Variants in CYBRD1 observed in about 807,000 individuals in gnomAD.
CYBRD1 encodes plasma membrane ascorbate-dependent reductase CYBRD1.
A neutral mutation model predicts 21.9 loss-of-function variants in CYBRD1; 14 were observed. The ratio of observed to expected loss-of-function variants is 0.64; its 90% confidence interval spans 0.42 to 1.00. The LOEUF (loss-of-function observed/expected upper bound fraction) is 1.00, where lower values mean the gene tolerates loss of function less well. Among genes scored for constraint, CYBRD1 ranks in the 50% least tolerant of loss-of-function variants. The pLI is 0.00. For missense variants in CYBRD1, 328 were observed against 352.5 expected (o/e 0.93, Z 0.56); for synonymous variants, 146 against 136.5 (o/e 1.07, Z -0.48).
chr2:171,531,648 A>G (rs1697469596), intron 1 of CYBRD1, among the ~76,000 whole-genome samples: 1 of 152,034 alleles, frequency 6.6e-6, no homozygotes, highest in Non-Finnish European at 1.5e-5. Flanking sequence ...TTTTGTTTAG[A>G]AATGTAGGTT....
At chr2:171,546,690 TAGGAAGTGTTC>T in intron 2 of CYBRD1, among the ~76,000 whole-genome samples, 1 of 152,086 alleles carries the variant, frequency 6.6e-6, no homozygotes, top group Non-Finnish European at 1.5e-5. Flanking sequence ...ATTTGGTAGA[TAGGAAGTGTTC>T]TGGGAGGCCT....
rs1301184136 is a variant in CYBRD1, at chr2:171,556,125, G to A, written c.*1298G>A. The stretch of plus-strand genomic sequence containing the variant: ...TTGACACTTGTTTGATCTTAAAATT[G>A]TGTCTTGGTAACAAAAGATTTGGAC... On this transcript the variant is annotated 3_prime_UTR_variant, in exon 4 of 4. Transcript: ENST00000321348. The A allele has an allele frequency of 6.6e-6, 1 of 152,204 alleles. No homozygotes were observed. Among genetic ancestry groups the A allele is most frequent in the Non-Finnish European group, 1.5e-5 (1 of 68,040 alleles). 9.4% of individuals were successfully genotyped at this position (152,204 alleles called of 1,614,324 possible).
rs963429255 is a variant in CYBRD1, at chr2:171,555,695, A to G, written c.*868A>G. 2.6e-5 allele frequency: 4 copies of G among 152,186 alleles called. No homozygotes were observed. Among genetic ancestry groups the G allele is most frequent in the Admixed American group, 2.0e-4 (3 of 15,270 alleles). 9.4% of individuals were successfully genotyped at this position (152,186 alleles called of 1,614,324 possible). A position where few individuals can be genotyped will look rare whatever the true frequency, so the allele number is the denominator to read the frequency against. On this transcript the variant is annotated 3_prime_UTR_variant, in exon 4 of 4. Transcript: ENST00000321348. Reference sequence around the variant, plus strand: ...CTTACTATGCTCCAAACACTCCTCTAAGCACTTTACACATATTAGCTCATT... The same window carrying G: ...CTTACTATGCTCCAAACACTCCTCTGAGCACTTTACACATATTAGCTCATT...
rs1683463389 is a variant in CYBRD1 at position 171,555,205 on chromosome 2, G to T, written c.*378G>T. 1 of 273,764 alleles carries T rather than the reference G, an allele frequency of 3.7e-6. No homozygotes were observed. The highest frequency in any genetic ancestry group is 9.8e-5 in the East Asian group (1 of 10,236). The allele number at this position is 273,764 out of a possible 1,614,324, so 17.0% of individuals were successfully genotyped here. A position where few individuals can be genotyped will look rare whatever the true frequency, so the allele number is the denominator to read the frequency against. On this transcript the variant is annotated 3_prime_UTR_variant, in exon 4 of 4. Transcript: ENST00000321348. ...TGCAGTCATTTCCTGTTAATTCTGG[G>T]AGACAATGATTTCACAACTAGCGGG... is the stretch of plus-strand genomic sequence containing the variant.
Position 171,522,766 on chromosome 2 carries a change from G to A in CYBRD1, c.193+28G>A, listed in dbSNP as rs1342396695. On this transcript the variant is annotated intron_variant, in intron 1 of 3. Transcript: ENST00000321348. This position sits in a 1 kb window ranked among gnomAD's most constrained non-coding sequence, Gnocchi z 4.3. ...ACTGGCACCTCCTGGGGGGGTGCGGGGAGGAAAGCGGGGAGAACGGCGGGG... is the reference window on the plus strand; with the variant it reads ...ACTGGCACCTCCTGGGGGGGTGCGGAGAGGAAAGCGGGGAGAACGGCGGGG... 2 of 1,612,692 alleles carry A rather than the reference G, an allele frequency of 1.2e-6. No homozygotes were observed. Among genetic ancestry groups the A allele is most frequent in the African/African-American group, 1.3e-5 (1 of 74,914 alleles).
chr2:171,531,785 A>G (rs1293000792), intron 1 of CYBRD1, among the ~76,000 whole-genome samples: 1 of 152,210 alleles, frequency 6.6e-6, no homozygotes, highest in Non-Finnish European at 1.5e-5. Flanking sequence ...CTAACCTGTC[A>G]TAATATTGAT....
At chr2:171,525,490 G>T (rs1697371055) in intron 1 of CYBRD1, among the ~76,000 whole-genome samples, 1 of 152,132 alleles carries the variant, frequency 6.6e-6, no homozygotes. Flanking sequence ...GTGGAAGGAG[G>T]GGGAGTAATA....
intron 1 of CYBRD1, among the ~76,000 whole-genome samples, chr2:171,533,323 C>T (rs1292221074): frequency 4.6e-5 from 7 of 152,222 alleles, no homozygotes; most frequent in African/African-American, 9.6e-5. Flanking sequence ...GCCGAGATCC[C>T]GCCACTGCAC....
rs1314851511 is a variant in CYBRD1 at position 171,522,551 on chromosome 2, C to T, written c.6C>T (p.Ala2=). 6.2e-7 allele frequency: 1 copy of T among 1,601,292 alleles called. No homozygotes were observed. Among genetic ancestry groups the T allele is most frequent in the African/African-American group, 1.3e-5 (1 of 74,884 alleles). The change falls in exon 1 of 4, where the codon GCC becomes GCT. Residue 2 remains alanine (A), a synonymous_variant. Transcript: ENST00000321348. The surrounding 1 kb of genome is among the most constrained non-coding windows in gnomAD (Gnocchi z 4.3). M[A]MEGYWRFLAL... ...GTGCGGAGTATGGGGCGCTGATGGC[C>T]ATGGAGGGCTACTGGCGCTTCCTGG...
Position 171,557,450 on chromosome 2 carries a change from A to G in CYBRD1, c.*2623A>G, listed in dbSNP as rs920265754. 1 of 152,240 alleles carries G rather than the reference A, an allele frequency of 6.6e-6. No homozygotes were observed. The highest frequency in any genetic ancestry group is 6.5e-5 in the Admixed American group (1 of 15,284). The allele number at this position is 152,240 out of a possible 1,614,324, so 9.4% of individuals were successfully genotyped here. ...TTTAACACTCATCTGAATCAACATT[A>G]AAGCCTTTTCTCTCAAAGCGTTTAT... On this transcript the variant is annotated 3_prime_UTR_variant, in exon 4 of 4. Coordinates refer to ENST00000321348, the MANE Select transcript of CYBRD1 (RefSeq NM_024843.4).
At chr2:171,531,935 A>G (rs891253744) in intron 1 of CYBRD1, among the ~76,000 whole-genome samples, 1 of 152,160 alleles carries the variant, frequency 6.6e-6, no homozygotes, top group Non-Finnish European at 1.5e-5. Context: ...GAGGATTTTA[A>G]TCACTCAGAG....
intron 3 of CYBRD1, 120 bp from the exon 4 acceptor site, chr2:171,554,404 A>C (rs1262122265): frequency 3.3e-6 from 3 of 900,838 alleles, no homozygotes; most frequent in Non-Finnish European, 5.1e-6. Context: ...CCTTAATAGC[A>C]AGCTTTGAGA....
At chr2:171,538,795 G>GTGTT (rs200194058) in intron 1 of CYBRD1, among the ~76,000 whole-genome samples, 3 of 151,972 alleles carry the variant, frequency 2.0e-5, no homozygotes, top group African/African-American at 4.8e-5. Flanking sequence ...AAGTTCTTGG[G>GTGTT]TGTTTGTTTG....
intron 1 of CYBRD1, among the ~76,000 whole-genome samples, chr2:171,533,061 C>T (rs1697493316): frequency 6.6e-6 from 1 of 151,770 alleles, no homozygotes; most frequent in Admixed American, 6.6e-5. Context: ...GCAATTATTC[C>T]TGTGCTTTAT....
chr2:171,528,745 G>A (rs937069305), intron 1 of CYBRD1, among the ~76,000 whole-genome samples: 5 of 152,136 alleles, frequency 3.3e-5, no homozygotes, highest in Non-Finnish European at 7.3e-5. Flanking sequence ...ATATCAGATA[G>A]GCATGTCCAA....
chr2:171,532,327 T>G (rs1697478892), intron 1 of CYBRD1, among the ~76,000 whole-genome samples: 1 of 152,236 alleles, frequency 6.6e-6, no homozygotes. Flanking sequence ...TCATAAGTGT[T>G]TTAAAATTCC....
chr2:171,546,765 C>T (rs17288294), intron 2 of CYBRD1, among the ~76,000 whole-genome samples: 22,959 of 152,034 alleles, frequency 0.15, 1,912 homozygotes, highest in Non-Finnish European at 0.18. Context: ...TCACACCTCA[C>T]ACCAAGACCT....
Position 171,522,760 on chromosome 2 carries a change from G to T in CYBRD1, c.193+22G>T, listed in dbSNP as rs779120242. On this transcript the variant is annotated intron_variant, in intron 1 of 3. Transcript: ENST00000321348. This position sits in a 1 kb window ranked among gnomAD's most constrained non-coding sequence, Gnocchi z 4.3. Reference sequence around the variant, plus strand: ...ATCGGTACTGGCACCTCCTGGGGGGGTGCGGGGAGGAAAGCGGGGAGAACG... The same window carrying T: ...ATCGGTACTGGCACCTCCTGGGGGGTTGCGGGGAGGAAAGCGGGGAGAACG... The T allele has an allele frequency of 3.7e-6, 6 of 1,612,982 alleles. No homozygotes were observed. The Admixed American group carries it at 6.7e-5, about 18-fold the overall frequency.
At position 171,553,499 on chromosome 2, in the gene CYBRD1, C is replaced by T. The variant is rs1040532222; in HGVS notation, c.556C>T (p.Leu186=). The change falls in exon 3 of 4, where the codon CTG becomes TTG. Residue 186 remains leucine (L), a splice_region_variant and synonymous_variant. Coordinates refer to ENST00000321348, the MANE Select transcript of CYBRD1 (RefSeq NM_024843.4). The stretch of plus-strand genomic sequence containing the variant: ...ATTGACAGAGAAACTGATTTTTTCC[C>T]TGTAAGTTGCATAGTCTTCTTAATT... ...MGLTEKLIFS[L]RDPAYSTFPP... 6.2e-7 allele frequency: 1 copy of T among 1,611,018 alleles called. No homozygotes were observed. The highest frequency in any genetic ancestry group is 8.5e-7 in the Non-Finnish European group (1 of 1,178,222).
Sources: gnomAD v4.1 joint callset for allele counts (sites outside exome capture counted in the v4.1 genomes callset) on GRCh38, gnomAD v4.1.1 for gene constraint, Gnocchi (gnomAD v3.1) non-coding constraint, MANE v1.5 for transcripts, NCBI Gene and HGNC (gene_info 2026-07-23, HGNC 2026-07-21) for gene names.